The following PALM variants were observed in gnomAD, a reference collection of about 807,000 sequenced individuals.
The protein encoded by PALM is paralemmin-1.
A neutral mutation model predicts 30.7 loss-of-function variants in PALM; 18 were observed. The ratio of observed to expected loss-of-function variants is 0.59; its 90% confidence interval spans 0.41 to 0.87. The LOEUF (loss-of-function observed/expected upper bound fraction) is 0.87. Ranked by LOEUF, PALM falls within the 40% of genes least tolerant of loss-of-function variation. PALM has a pLI of 0.00. For missense variants in PALM, 529 were observed against 555.4 expected (o/e 0.95, Z 0.48); for synonymous variants, 286 against 242.8 (o/e 1.18, Z -1.66).
At chr19:710,968 C>G (rs567158131) in intron 1 of PALM, among the ~76,000 whole-genome samples, 240 of 152,378 alleles carry the variant, frequency 1.6e-3, no homozygotes, top group African/African-American at 5.7e-3. Context: ...CACGAAGGCC[C>G]CGTCCGCTAG....
At chr19:741,009 C>T (rs1167111967) in intron 8 of PALM, among the ~76,000 whole-genome samples, 1 of 150,022 alleles carries the variant, frequency 6.7e-6, no homozygotes. Context: ...CATGGTGGTG[C>T]GTGCCTGTGG....
At chr19:734,145 CCT>C (rs1568229459) in intron 5 of PALM, 26 bp from the exon 6 acceptor site, 1 of 1,613,618 alleles carries the variant, frequency 6.2e-7, no homozygotes, top group Non-Finnish European at 8.5e-7. Context: ...TGCTGACGCC[CCT>C]GACCCTTCTC....
Position 740,471 on chromosome 19 carries a change from G to T in PALM, c.622G>T (p.Asp208Tyr). ...PLPLGIKVYE[D>Y]ETKVVHAVDG... ...CCCTCTGGGCATCAAAGTCTACGAG[G>T]ACGAGACCAAAGGTACGAGCACCCC... Residue 208 changes from aspartate (D) to tyrosine (Y), a missense_variant, in exon 8 of 9, where the codon GAC becomes TAC. Coordinates refer to ENST00000338448, the MANE Select transcript of PALM (RefSeq NM_002579.3). 2 of 1,551,704 alleles carry T rather than the reference G, an allele frequency of 1.3e-6. No individual in the cohort carries two copies. The highest frequency in any genetic ancestry group is 1.7e-6 in the Non-Finnish European group (2 of 1,147,136).
intron 4 of PALM, among the ~76,000 whole-genome samples, chr19:728,161 C>CG (rs1281632927): frequency 6.6e-6 from 1 of 152,102 alleles, no homozygotes; most frequent in African/African-American, 2.4e-5. Context: ...CAGCTGGGCC[C>CG]GCAGGAAGCT....
chr19:713,685 T>G (rs1383665730), intron 1 of PALM, among the ~76,000 whole-genome samples: 1 of 151,854 alleles, frequency 6.6e-6, no homozygotes, highest in Non-Finnish European at 1.5e-5. Flanking sequence ...TTCACGCGAT[T>G]CTCATGCCTC....
chr19:713,770 C>T (rs529371697), intron 1 of PALM, among the ~76,000 whole-genome samples: 223 of 152,088 alleles, frequency 1.5e-3, no homozygotes, highest in African/African-American at 5.1e-3. Context: ...TTAGTAGAGA[C>T]GGGGTTTCAC....
chr19:709,063 G>A lies in PALM; in HGVS notation c.-84G>A. The A allele has an allele frequency of 4.7e-6, 1 of 211,536 alleles. No individual in the cohort carries two copies. The highest frequency in any genetic ancestry group is 9.3e-6 in the Non-Finnish European group (1 of 107,908). 13.1% of individuals were successfully genotyped at this position (211,536 alleles called of 1,614,324 possible). ...CCCGCCCCGGCCCCCGCCAGGCCGCGTCCCCCTCCCCTCCCCTCCCCCGCG... is the reference window on the plus strand; with the variant it reads ...CCCGCCCCGGCCCCCGCCAGGCCGCATCCCCCTCCCCTCCCCTCCCCCGCG... On this transcript the variant is annotated 5_prime_UTR_variant, in exon 1 of 9. Coordinates refer to ENST00000338448, the MANE Select transcript of PALM (RefSeq NM_002579.3). The surrounding 1 kb of genome is among the most constrained non-coding windows in gnomAD (Gnocchi z 4.3).
At chr19:716,426 AG>A (rs1361610183) in intron 1 of PALM, among the ~76,000 whole-genome samples, 3 of 150,880 alleles carry the variant, frequency 2.0e-5, no homozygotes, top group Non-Finnish European at 3.0e-5. Context: ...AAAAAAAAAA[AG>A]AAAGTTTAGA....
intron 6 of PALM, 51 bp downstream of exon 6, chr19:734,245 G>T: frequency 6.3e-7 from 1 of 1,575,944 alleles, no homozygotes; most frequent in Non-Finnish European, 8.7e-7. Context: ...CTGGTGGCCA[G>T]AGAGGGGATG....
In PALM at chr19:734,331, G is replaced by T. The variant is rs960694048; in HGVS notation, c.442+137G>T. ...TCCCAGCACTTTGGGAGGCCGAGGCGGGTAGATCTCCTGAGGTCAGGAGTT... is the reference window on the plus strand; with the variant it reads ...TCCCAGCACTTTGGGAGGCCGAGGCTGGTAGATCTCCTGAGGTCAGGAGTT... On this transcript the variant is annotated intron_variant, in intron 6 of 8. Coordinates refer to ENST00000338448, the MANE Select transcript of PALM (RefSeq NM_002579.3). 2.1e-5 allele frequency: 16 copies of T among 766,236 alleles called. No individual in the cohort carries two copies. In the African/African-American group the frequency reaches 2.8e-4, roughly 13 times the overall value. 47.5% of individuals were successfully genotyped at this position (766,236 alleles called of 1,614,324 possible).
chr19:740,564 G>A (rs925508063), intron 8 of PALM, 81 bp downstream of exon 8: 10 of 1,290,288 alleles, frequency 7.8e-6, no homozygotes, highest in African/African-American at 1.5e-5. Context: ...TGGGTCTGGC[G>A]TCTGCCCCGG....
At chr19:720,931 C>G (rs1268694076) in intron 1 of PALM, among the ~76,000 whole-genome samples, 1 of 152,220 alleles carries the variant, frequency 6.6e-6, no homozygotes, top group Non-Finnish European at 1.5e-5. Context: ...CGCCCCAGCT[C>G]TGCTCCCTCC....
At chr19:734,926 G>A in intron 6 of PALM, 1 of 316,626 alleles carries the variant, frequency 3.2e-6, no homozygotes, top group Non-Finnish European at 4.6e-6. Context: ...CTTCTGGCCT[G>A]GTTTGTTGTG....
Position 746,770 on chromosome 19 carries a change from C to T in PALM, c.1120C>T (p.Leu374Phe), listed in dbSNP as rs774800965. 1 of 1,587,236 alleles carries T rather than the reference C, an allele frequency of 6.3e-7. No homozygotes were observed. The highest frequency in any genetic ancestry group is 1.7e-5 in the Admixed American group (1 of 57,474). Reference sequence around the variant, plus strand: ...GGCCACCACCAGCGACCCCCAGGACCTCGACATGAAGAAGCACCGTTGTAA... The same window carrying T: ...GGCCACCACCAGCGACCCCCAGGACTTCGACATGAAGAAGCACCGTTGTAA... ...PEATTSDPQDLDMKKHRCKCC... is the reference protein window; with the variant it reads ...PEATTSDPQDFDMKKHRCKCC... Residue 374 changes from leucine (L) to phenylalanine (F), a missense_variant, in exon 9 of 9, where the codon CTC (leucine) becomes TTC (phenylalanine). Transcript: ENST00000338448. This position sits in a 1 kb window ranked among gnomAD's most constrained non-coding sequence, Gnocchi z 7.1.
rs1391001998 is a variant in PALM at position 746,996 on chromosome 19, G to A, written c.*182G>A. On this transcript the variant is annotated 3_prime_UTR_variant, in exon 9 of 9. Coordinates refer to ENST00000338448, the MANE Select transcript of PALM (RefSeq NM_002579.3). The surrounding 1 kb of genome is among the most constrained non-coding windows in gnomAD (Gnocchi z 7.1). ...GACAGGGGCCCCCACCCGTCACCAC[G>A]CCCCAACACTCCCCCCGAACCAGAG... 8 of 593,686 alleles carry A rather than the reference G, an allele frequency of 1.3e-5. No homozygotes were observed. The East Asian group carries it at 1.4e-4, about 10-fold the overall frequency. 36.8% of individuals were successfully genotyped at this position (593,686 alleles called of 1,614,324 possible).
intron 3 of PALM, 137 bp downstream of exon 3, chr19:727,225 C>T (rs1038135011): frequency 1.4e-4 from 76 of 539,658 alleles, no homozygotes; most frequent in South Asian, 2.2e-4. Flanking sequence ...ACCCTGACCC[C>T]GACCCTGACC....
In PALM at chr19:746,964, A is replaced by G; in HGVS notation, c.*150A>G. 5 of 621,754 alleles carry G rather than the reference A, an allele frequency of 8.0e-6. No homozygotes were observed. In the South Asian group the frequency reaches 9.9e-5, roughly 12 times the overall value. 38.5% of individuals were successfully genotyped at this position (621,754 alleles called of 1,614,324 possible). The stretch of plus-strand genomic sequence containing the variant: ...TTCCTTCCGAGTTTTCTTTCGCTGG[A>G]AAGAGGGACAGGGGCCCCCACCCGT... On this transcript the variant is annotated 3_prime_UTR_variant, in exon 9 of 9. Coordinates refer to ENST00000338448, the MANE Select transcript of PALM (RefSeq NM_002579.3). This position sits in a 1 kb window ranked among gnomAD's most constrained non-coding sequence, Gnocchi z 7.1.
At chr19:710,869 C>T (rs1025870938) in intron 1 of PALM, among the ~76,000 whole-genome samples, 2 of 152,214 alleles carry the variant, frequency 1.3e-5, no homozygotes, top group Non-Finnish European at 2.9e-5. Context: ...CCCCGGTTCC[C>T]GGGCTGACAA....
intron 7 of PALM, among the ~76,000 whole-genome samples, chr19:740,148 C>T (rs1473067033): frequency 6.6e-6 from 1 of 152,174 alleles, no homozygotes; most frequent in Non-Finnish European, 1.5e-5. Context: ...TCAGACTGGT[C>T]GTCTCCAGGC....
Sources: gnomAD v4.1 joint callset for allele counts (sites outside exome capture counted in the v4.1 genomes callset) on GRCh38, gnomAD v4.1.1 for gene constraint, Gnocchi (gnomAD v3.1) non-coding constraint, MANE v1.5 for transcripts, NCBI Gene and HGNC (gene_info 2026-07-23, HGNC 2026-07-21) for gene names.